Variants in ABCG5 observed in about 807,000 individuals in gnomAD.
The protein encoded by ABCG5 is ATP-binding cassette sub-family G member 5.
Under a neutral mutation model 64.5 loss-of-function variants are expected in ABCG5, and 64 were observed. That is an observed-to-expected ratio of 0.99 (90% CI 0.81 to 1.22). ABCG5 has a LOEUF of 1.22. Ranked by LOEUF, ABCG5 falls within the 50% of genes most tolerant of loss-of-function variation. The pLI is 0.00. For missense variants in ABCG5, 908 were observed against 829.5 expected, an observed-to-expected ratio of 1.09 and a Z score of -1.16; for synonymous variants, 385 against 326.3, an observed-to-expected ratio of 1.18 and a Z score of -1.94.
chr2:43,824,260 T>G lies in ABCG5; in HGVS notation c.1077A>C (p.Lys359Asn). ...GTTTAGAGAAAACTCCAGGAGAATC[T>G]TTGGTTTTGAAAGGAACCATTGGTA... The part of the protein sequence containing the change: ...KTLPMVPFKT[K>N]DSPGVFSKLG... Residue 359 changes from lysine (K) to asparagine (N), a missense_variant, in exon 8 of 13, where the codon AAA (lysine) becomes AAC (asparagine). Lys to Asn is a moderately conservative substitution (Grantham distance 94). Transcript: ENST00000405322. 1.2e-6 allele frequency: 2 copies of G among 1,614,220 alleles called. No homozygotes were observed. Among genetic ancestry groups the G allele is most frequent in the Non-Finnish European group, 1.7e-6 (2 of 1,180,044 alleles).
At chr2:43,837,173 G>A (rs990923955) in intron 2 of ABCG5, among the ~76,000 whole-genome samples, 1 of 147,980 alleles carries the variant, frequency 6.8e-6, no homozygotes, top group Non-Finnish European at 1.5e-5. Flanking sequence ...AGGCTAGAGT[G>A]CAGTGGCACT....
At chr2:43,811,811 G>A (rs887270949), downstream of ABCG5, among the ~76,000 whole-genome samples, 5 of 152,048 alleles carry the variant, frequency 3.3e-5, no homozygotes, top group Non-Finnish European at 7.4e-5. Flanking sequence ...GGCCAGGATG[G>A]TCTCAATCTC....
Position 43,831,960 on chromosome 2 carries a change from GAGA to G in ABCG5, c.386_388del (p.Phe129del). 1 of 1,550,460 alleles carries G rather than the reference GAGA, an allele frequency of 6.4e-7. No individual in the cohort carries two copies. The highest frequency in any genetic ancestry group is 8.7e-7 in the Non-Finnish European group (1 of 1,147,132). ...GGACGCGCCCACCTGCAGGACGTAG[GAGA>G]AGCAGTCCTGGAACTGCTCCCGGCG... On this transcript the variant is annotated inframe_deletion, in exon 3 of 13. Transcript: ENST00000405322.
intron 9 of ABCG5, 83 bp downstream of exon 9, chr2:43,823,830 A>G: frequency 6.6e-7 from 1 of 1,507,126 alleles, no homozygotes. Flanking sequence ...AACCCTTATA[A>G]TGGTAGACTT....
intron 4 of ABCG5, chr2:43,828,509 T>TC (rs1667772832): frequency 3.0e-6 from 1 of 335,658 alleles, no homozygotes; most frequent in Non-Finnish European, 5.6e-6. Flanking sequence ...AAAAAAACAA[T>TC]AAATTAGCCG....
chr2:43,827,182 G>A (rs1040927359), intron 5 of ABCG5, among the ~76,000 whole-genome samples: 2 of 152,054 alleles, frequency 1.3e-5, no homozygotes, highest in Non-Finnish European at 2.9e-5. Context: ...AAAATTAGCC[G>A]GGTGTGGTGG....
intron 10 of ABCG5, among the ~76,000 whole-genome samples, chr2:43,820,659 C>T (rs184218755): frequency 3.9e-5 from 6 of 152,174 alleles, no homozygotes; most frequent in Non-Finnish European, 5.9e-5. Flanking sequence ...ATTTGACCTT[C>T]GTTTTCTTTT....
At position 43,824,210 on chromosome 2, in the gene ABCG5, G is replaced by A. The variant is rs2104815645; in HGVS notation, c.1118+9C>T. ...TAACAGGCATTTCTCACATTTGTGA[G>A]CCTCTTACCTCAGGAGAACACCCAG... On this transcript the variant is annotated intron_variant, in intron 8 of 12. Transcript: ENST00000405322. 1 of 1,614,140 alleles carries A rather than the reference G, an allele frequency of 6.2e-7. No individual in the cohort carries two copies. Among genetic ancestry groups the A allele is most frequent in the Non-Finnish European group, 8.5e-7 (1 of 1,179,988 alleles).
At chr2:43,809,652 C>T (rs1666409428), downstream of ABCG5, 2 of 1,346,114 alleles carry the variant, frequency 1.5e-6, no homozygotes, top group Non-Finnish European at 2.1e-6. Context: ...TAAGGTGCCT[C>T]CTTGAATTAG....
At chr2:43,829,249 C>A (rs185182307) in intron 4 of ABCG5, among the ~76,000 whole-genome samples, 2 of 152,246 alleles carry the variant, frequency 1.3e-5, no homozygotes, top group East Asian at 3.9e-4. Flanking sequence ...ACCTGTTTCC[C>A]ACTGTATAAC....
intron 2 of ABCG5, among the ~76,000 whole-genome samples, chr2:43,837,220 A>T (rs563891751): frequency 5.8e-4 from 88 of 151,772 alleles, no homozygotes; most frequent in Non-Finnish European, 1.1e-3. Context: ...CCTGGGCTCA[A>T]GCAATCCTCC....
chr2:43,812,930 G>T lies in ABCG5; in HGVS notation c.*186C>A. ...GTCCCTGCAAGTTGTAAGAGCAAGGGACTATAAACCACTTCCATTGCATTC... is the reference window on the plus strand; with the variant it reads ...GTCCCTGCAAGTTGTAAGAGCAAGGTACTATAAACCACTTCCATTGCATTC... On this transcript the variant is annotated 3_prime_UTR_variant, in exon 13 of 13. Coordinates refer to ENST00000405322, the MANE Select transcript of ABCG5 (RefSeq NM_022436.3). 1.7e-6 allele frequency: 1 copy of T among 603,792 alleles called. No homozygotes were observed. The highest frequency in any genetic ancestry group is 2.8e-5 in the East Asian group (1 of 35,502). The allele number at this position is 603,792 out of a possible 1,614,324, so 37.4% of individuals were successfully genotyped here. A position where few individuals can be genotyped will look rare whatever the true frequency, so the allele number is the denominator to read the frequency against.
intron 6 of ABCG5, 44 bp from the exon 7 acceptor site, chr2:43,825,062 G>A: frequency 6.2e-7 from 1 of 1,607,830 alleles, no homozygotes; most frequent in Non-Finnish European, 8.5e-7. Flanking sequence ...CACAAGGGTA[G>A]CGATGCACTT....
intron 2 of ABCG5, 112 bp downstream of exon 2, chr2:43,837,722 A>C: frequency 7.1e-7 from 1 of 1,407,226 alleles, no homozygotes; most frequent in Non-Finnish European, 1.0e-6. Flanking sequence ...ATATCAATAG[A>C]ATTCATTCTA....
chr2:43,822,734 G>A (rs191036160), intron 10 of ABCG5, 63 bp downstream of exon 10: 170 of 1,611,664 alleles, frequency 1.1e-4, no homozygotes, highest in African/African-American at 6.1e-4. Context: ...CTCCCTGCAC[G>A]AGTCCCACTA....
At chr2:43,827,186 G>A (rs1484052094) in intron 5 of ABCG5, among the ~76,000 whole-genome samples, 6 of 152,224 alleles carry the variant, frequency 3.9e-5, no homozygotes, top group South Asian at 4.1e-4. Flanking sequence ...TTAGCCGGGT[G>A]TGGTGGCAGG....
chr2:43,810,411 C>G (rs1666441042), downstream of ABCG5: 14 of 985,350 alleles, frequency 1.4e-5, no homozygotes, highest in Non-Finnish European at 1.7e-5. Context: ...TATCAAGAAG[C>G]AGGACAAAAC....
At chr2:43,824,819 T>C (rs772297196) in intron 7 of ABCG5, 70 bp downstream of exon 7, 71 of 1,596,594 alleles carry the variant, frequency 4.4e-5, no homozygotes, top group Non-Finnish European at 6.0e-5. Context: ...ACTGGTGTCA[T>C]CCAGGCAGAA....
intron 2 of ABCG5, 151 bp from the exon 3 acceptor site, chr2:43,832,234 G>C: frequency 9.3e-7 from 1 of 1,080,382 alleles, no homozygotes; most frequent in Non-Finnish European, 1.4e-6. Context: ...GCAGGATACA[G>C]GCCCTGCCCT....
Sources: gnomAD v4.1 joint callset for allele counts (sites outside exome capture counted in the v4.1 genomes callset) on GRCh38, gnomAD v4.1.1 for gene constraint, MANE v1.5 for transcripts, NCBI Gene and HGNC (gene_info 2026-07-23, HGNC 2026-07-21) for gene names.